TRIM55: variants seen among roughly 807,000 people sequenced by gnomAD.
TRIM55 encodes tripartite motif-containing protein 55.
In TRIM55, 50 loss-of-function variants were observed where a neutral mutation model predicts 60.9. The ratio of observed to expected loss-of-function variants is 0.82; its 90% confidence interval spans 0.65 to 1.04. The LOEUF is 1.04. TRIM55 is among the 50% of genes least tolerant of loss of function. The probability of loss-of-function intolerance (pLI) is 0.00; values close to 1 mark genes in which losing one functional copy is unlikely to be tolerated. For synonymous variants in TRIM55, 237 were observed against 238.1 expected (o/e 1.00, Z 0.04); for missense variants, 681 against 666.9 (o/e 1.02, Z -0.23).
At chr8:66,140,874 G>A (rs1809770936) in intron 4 of TRIM55, among the ~76,000 whole-genome samples, 1 of 152,204 alleles carries the variant, frequency 6.6e-6, no homozygotes, top group Non-Finnish European at 1.5e-5. Flanking sequence ...AGGGGGTGGA[G>A]AGCTGTTGTT....
At chr8:66,155,758 T>G (rs1810703386) in intron 9 of TRIM55, 1 of 1,278,538 alleles carries the variant, frequency 7.8e-7, no homozygotes, top group East Asian at 2.3e-5. Context: ...CATAGTTTCT[T>G]CCATAATGTT....
At chr8:66,116,808 A>T in the TRIM55 span, among the ~76,000 whole-genome samples, 1 of 151,884 alleles carries the variant, frequency 6.6e-6, no homozygotes, top group African/African-American at 2.4e-5. Context: ...TTTCCAACTC[A>T]TTCTATGAAG....
At chr8:66,135,815 CATT>C (rs1809451347) in intron 3 of TRIM55, among the ~76,000 whole-genome samples, 1 of 152,192 alleles carries the variant, frequency 6.6e-6, no homozygotes, top group East Asian at 1.9e-4. Context: ...TCCCTCTACA[CATT>C]ACCAACCTGC....
chr8:66,148,388 G>T (rs1272215505), intron 4 of TRIM55, among the ~76,000 whole-genome samples: 1 of 152,180 alleles, frequency 6.6e-6, no homozygotes, highest in Non-Finnish European at 1.5e-5. Flanking sequence ...AGGCAGTATT[G>T]GATAAATAGA....
At chr8:66,172,067 GGAAGGAAGGAAGGAAA>G (rs144118469) in intron 9 of TRIM55, among the ~76,000 whole-genome samples, 15,420 of 151,584 alleles carry the variant, frequency 0.1, 1,462 homozygotes, top group African/African-American at 0.26. Flanking sequence ...GGGGAAGAGG[GGAAGGAAGGAAGGAAA>G]GAAGGAAGGA....
the TRIM55 span, among the ~76,000 whole-genome samples, chr8:66,120,404 A>C: frequency 1.3e-5 from 2 of 152,106 alleles, no homozygotes; most frequent in African/African-American, 4.8e-5. Flanking sequence ...TGAGATAACT[A>C]TGGACGGGGA....
chr8:66,135,419 G>A (rs527771371), intron 3 of TRIM55, among the ~76,000 whole-genome samples: 9 of 152,336 alleles, frequency 5.9e-5, no homozygotes, highest in South Asian at 2.1e-4. Context: ...AGAACGGCAC[G>A]ATCCCTGTTT....
rs373480880 is a variant in TRIM55, at chr8:66,149,777, G to T, written c.736G>T (p.Ala246Ser). Residue 246 changes from alanine (A) to serine (S), a missense_variant, in exon 5 of 10, where the codon GCT (alanine) becomes TCT (serine). Ala to Ser is a moderately conservative substitution (Grantham distance 99, BLOSUM62 1). Coordinates refer to ENST00000315962, the MANE Select transcript of TRIM55 (RefSeq NM_184085.2). ...TQEEKLEHVRALIKKYSDHLE... is the reference protein window; with the variant it reads ...TQEEKLEHVRSLIKKYSDHLE... ...AGAGGAGAAACTGGAACATGTCCGT[G>T]CTCTGATCAAAAAGTATTCTGATCA... 1.2e-4 allele frequency: 188 copies of T among 1,614,050 alleles called. No individual in the cohort carries two copies. The highest frequency in any genetic ancestry group is 3.3e-4 in the Middle Eastern group (2 of 6,084).
chr8:66,143,802 G>A (rs1809959752), intron 4 of TRIM55, among the ~76,000 whole-genome samples: 1 of 152,070 alleles, frequency 6.6e-6, no homozygotes, highest in Admixed American at 6.5e-5. Context: ...AACTAGTGAT[G>A]AGCTAAACAT....
At chr8:66,174,255 T>C (rs1338883220) in intron 9 of TRIM55, among the ~76,000 whole-genome samples, 1 of 151,932 alleles carries the variant, frequency 6.6e-6, no homozygotes, top group Non-Finnish European at 1.5e-5. Context: ...CTTCTTTTTG[T>C]ATCATGAGTG....
chr8:66,174,170 TAA>T (rs59239417), intron 9 of TRIM55, among the ~76,000 whole-genome samples: 3 of 141,476 alleles, frequency 2.1e-5, no homozygotes, highest in African/African-American at 2.6e-5. Context: ...CAAGTGGACT[TAA>T]AAAAAAAAAA....
intron 4 of TRIM55, among the ~76,000 whole-genome samples, chr8:66,144,247 G>A (rs559661373): frequency 2.0e-5 from 3 of 152,110 alleles, no homozygotes; most frequent in Non-Finnish European, 4.4e-5. Context: ...GCATTGGTTA[G>A]AAACAAATAT....
At chr8:66,133,738 T>G (rs1381312356) in intron 2 of TRIM55, among the ~76,000 whole-genome samples, 1 of 152,214 alleles carries the variant, frequency 6.6e-6, no homozygotes, top group Non-Finnish European at 1.5e-5. Flanking sequence ...ATTAGCGTCT[T>G]ACAGAGGCAC....
upstream of TRIM55, among the ~76,000 whole-genome samples, chr8:66,123,902 A>G (rs1340065157): frequency 6.6e-6 from 1 of 151,964 alleles, no homozygotes; most frequent in Non-Finnish European, 1.5e-5. Context: ...TTTTCTACAA[A>G]TACTGCTAAA....
chr8:66,114,185 C>T, the TRIM55 span, among the ~76,000 whole-genome samples: 2 of 150,944 alleles, frequency 1.3e-5, no homozygotes, highest in Non-Finnish European at 2.9e-5. Context: ...CCGTGCCCAG[C>T]CGTGGGGGAT....
intron 9 of TRIM55, among the ~76,000 whole-genome samples, chr8:66,161,150 T>G (rs921113419): frequency 6.6e-6 from 1 of 152,160 alleles, no homozygotes; most frequent in South Asian, 2.1e-4. Flanking sequence ...TTTTATAGTT[T>G]CAGGTCTTAG....
chr8:66,133,501 GTT>G, intron 2 of TRIM55, among the ~76,000 whole-genome samples: 1 of 152,292 alleles, frequency 6.6e-6, no homozygotes, highest in African/African-American at 2.4e-5. Flanking sequence ...CAATTGTGGA[GTT>G]GACTTCCTTA....
At chr8:66,150,611 T>A in intron 7 of TRIM55, 145 bp downstream of exon 7, 1 of 935,038 alleles carries the variant, frequency 1.1e-6, no homozygotes, top group Non-Finnish European at 1.6e-6. Flanking sequence ...TGTGAAGCTC[T>A]ATTTCATTAC....
intron 9 of TRIM55, among the ~76,000 whole-genome samples, chr8:66,156,671 G>A (rs572608539): frequency 1.6e-4 from 24 of 152,136 alleles, no homozygotes; most frequent in East Asian, 3.9e-4. Context: ...GAAAAGCCTC[G>A]GCTATTTCTG....
Sources: gnomAD v4.1 joint callset for allele counts (sites outside exome capture counted in the v4.1 genomes callset) on GRCh38, gnomAD v4.1.1 for gene constraint, MANE v1.5 for transcripts, NCBI Gene and HGNC (gene_info 2026-07-23, HGNC 2026-07-21) for gene names.